Variants in ARMCX4 observed in about 807,000 individuals in gnomAD.
ARMCX4 encodes the protein armadillo repeat containing X-linked 4, also known as armadillo repeat-containing X-linked protein 4.
ARMCX4 carries 3 observed loss-of-function variants against 34.7 expected under a neutral mutation model. That is an observed-to-expected ratio of 0.09 (90% CI 0.04 to 0.22). The LOEUF is 0.22. Among genes scored for constraint, ARMCX4 ranks in the 10% least tolerant of loss-of-function variants. ARMCX4 has a pLI of 1.00. For missense variants in ARMCX4, 1,448 were observed against 1,720.8 expected (o/e 0.84, Z 2.81); for synonymous variants, 513 against 632.8 (o/e 0.81, Z 2.84).
In ARMCX4 at chrX:101,491,566, G is replaced by C. The variant is rs1556009190; in HGVS notation, c.2977G>C (p.Val993Leu). Residue 993 changes from valine to leucine, a missense_variant, in exon 6 of 6, where the codon GTC becomes CTC. By Grantham distance (32) the Val-to-Leu change is conservative. Around this residue, in one of 2 missense-constraint regions of ARMCX4, gnomAD observed 1,343 missense variants for 1,540.7 expected, o/e 0.87. Coordinates refer to ENST00000423738, the MANE Select transcript of ARMCX4 (RefSeq NM_001256155.3). ...DTVGSAQPQAVANSQSETLLG... is the reference protein window; with the variant it reads ...DTVGSAQPQALANSQSETLLG... ...AGTGGGCTCTGCCCAGCCCCAAGCT[G>C]TCGCTAATTCCCAGAGTGAGACCTT... 8.7e-7 allele frequency: 1 copy of C among 1,155,849 alleles called. No homozygotes were observed. The highest frequency in any genetic ancestry group is 1.9e-5 in the South Asian group (1 of 52,751).
At position 101,485,494 on chromosome X, in the gene ARMCX4, C is replaced by G; in HGVS notation, c.-473C>G. 1.4e-6 allele frequency: 1 copy of G among 699,700 alleles called. No homozygotes were observed. Among genetic ancestry groups the G allele is most frequent in the Middle Eastern group, 8.3e-4 (1 of 1,202 alleles). The allele number at this position is 699,700 out of a possible 1,213,427, so 57.7% of individuals were successfully genotyped here. On this transcript the variant is annotated 5_prime_UTR_variant, in exon 1 of 6. Transcript: ENST00000423738. ...TACCAGCTCCCCGCTGCCCTGCGCT[C>G]GGCGGGCTGGCATCGGGCCCGGGGA... is the stretch of plus-strand genomic sequence containing the variant.
At chrX:101,505,095 T>G (rs1432224115) in exon 8 of ARMCX4, 4 of 111,339 alleles carry the variant, frequency 3.6e-5, no homozygotes, top group African/African-American at 1.3e-4. Context: ...GGTGGTACCC[T>G]TAAGAGGCAT....
chrX:101,439,970 C>T (rs1307740377), intron 2 of ARMCX4, among the ~76,000 whole-genome samples: 5 of 111,968 alleles, frequency 4.5e-5, no homozygotes, highest in African/African-American at 1.6e-4. Flanking sequence ...GCCTTCTCCT[C>T]TCAACTCGTC....
At chrX:101,429,050 G>A (rs1352831097) in intron 2 of ARMCX4, among the ~76,000 whole-genome samples, 2 of 108,672 alleles carry the variant, frequency 1.8e-5, no homozygotes, top group African/African-American at 6.7e-5. Flanking sequence ...TGTAGAGATG[G>A]GGTCTCCCTA....
intron 2 of ARMCX4, among the ~76,000 whole-genome samples, chrX:101,440,466 C>T (rs919554628): frequency 1.8e-5 from 2 of 112,070 alleles, no homozygotes; most frequent in Non-Finnish European, 3.8e-5. Flanking sequence ...TCTCAGATCT[C>T]CAGCTGCGTG....
rs957793694 is a variant in ARMCX4 at position 101,488,567 on chromosome X, G to A, written c.-23G>A. The stretch of plus-strand genomic sequence containing the variant: ...GAGTGCGCTCTACCATACCTTGTTC[G>A]TGCTTTTAGCAGGGGTGATTACATG... On this transcript the variant is annotated 5_prime_UTR_variant, in exon 6 of 6. In the 5' UTR this introduces an upstream ATG that the reference lacks. Transcript: ENST00000423738. The A allele has an allele frequency of 1.1e-5, 13 of 1,154,114 alleles. No homozygotes were observed. The highest frequency in any genetic ancestry group is 9.5e-5 in the South Asian group (5 of 52,561).
chrX:101,437,430 C>G (rs1376630566), intron 2 of ARMCX4, among the ~76,000 whole-genome samples: 1 of 111,877 alleles, frequency 8.9e-6, no homozygotes, highest in Non-Finnish European at 1.9e-5. Flanking sequence ...AGTTTATTTG[C>G]GTAGAGGTGT....
intron 4 of ARMCX4, among the ~76,000 whole-genome samples, chrX:101,458,864 C>G (rs1326213099): frequency 9.0e-6 from 1 of 111,481 alleles, no homozygotes; most frequent in Non-Finnish European, 1.9e-5. Flanking sequence ...TGATACTTAT[C>G]TAAATAAAAT....
chrX:101,437,792 A>G lies in ARMCX4; in HGVS notation n.165-6260A>G, dbSNP rs181535928. Among the ~76,000 whole-genome samples the G allele has an allele frequency of 1.9e-3, 214 of 111,788 alleles. 1 individual carries two copies. Among genetic ancestry groups the G allele is most frequent in the African/African-American group, 6.6e-3 (204 of 30,738 alleles). Reference sequence around the variant, plus strand: ...TCTCTTGTGGGAATTTCGTGCTATAAATTTCCCTCTACACACTGCTTTAAA... The same window carrying G: ...TCTCTTGTGGGAATTTCGTGCTATAGATTTCCCTCTACACACTGCTTTAAA... On this transcript the variant is annotated intron_variant and non_coding_transcript_variant, in intron 2 of 3. Transcript: ENST00000430461.
At chrX:101,458,409 G>A (rs1438346341) in intron 4 of ARMCX4, among the ~76,000 whole-genome samples, 5 of 110,484 alleles carry the variant, frequency 4.5e-5, no homozygotes, top group Admixed American at 2.9e-4. Flanking sequence ...TTACCATTTC[G>A]TTATGCTTCA....
At chrX:101,535,385 A>G (rs1304438390), downstream of ARMCX4, among the ~76,000 whole-genome samples, 1 of 111,749 alleles carries the variant, frequency 8.9e-6, no homozygotes, top group Non-Finnish European at 1.9e-5. Flanking sequence ...AAATCTGAGA[A>G]CTAATGCCCT....
At chrX:101,440,849 C>T (rs1203379348) in intron 2 of ARMCX4, among the ~76,000 whole-genome samples, 1 of 111,115 alleles carries the variant, frequency 9.0e-6, no homozygotes, top group Non-Finnish European at 1.9e-5. Flanking sequence ...TGGGAGTGAC[C>T]CGATTTTCCA....
At chrX:101,498,147 G>A (rs782669516), downstream of ARMCX4, 7 of 330,496 alleles carry the variant, frequency 2.1e-5, no homozygotes, top group Non-Finnish European at 3.5e-5. Context: ...TTCCACAGGT[G>A]TTGATCCCAA....
rs1569312782 is a variant in ARMCX4 at position 101,428,686 on chromosome X, T to C, written n.164+9686T>C. ...TGGCACATCAGGCACTCATGCTGACTCTACACTTAACCCTGCCAATTAAAT... is the reference window on the plus strand; with the variant it reads ...TGGCACATCAGGCACTCATGCTGACCCTACACTTAACCCTGCCAATTAAAT... On this transcript the variant is annotated intron_variant and non_coding_transcript_variant, in intron 2 of 3. Coordinates refer to the ARMCX4 transcript ENST00000430461. Among the ~76,000 whole-genome samples, 6 of 111,433 alleles carry C rather than the reference T, an allele frequency of 5.4e-5. No individual in the cohort carries two copies. The South Asian group carries it at 2.2e-3, about 42-fold the overall frequency.
intron 11 of ARMCX4, among the ~76,000 whole-genome samples, chrX:101,521,521 G>A (rs1427004306): frequency 1.8e-5 from 2 of 109,697 alleles, no homozygotes; most frequent in Non-Finnish European, 3.8e-5. Context: ...TGGTTCTATT[G>A]GTTTTCTCTA....
intron 2 of ARMCX4, among the ~76,000 whole-genome samples, chrX:101,432,985 C>CATGTAT (rs1555992789): frequency 9.4e-6 from 1 of 106,239 alleles, no homozygotes; most frequent in Non-Finnish European, 2.0e-5. Flanking sequence ...TATATATACA[C>CATGTAT]ACATGTATAC....
intron 4 of ARMCX4, among the ~76,000 whole-genome samples, chrX:101,455,640 A>G (rs927139707): frequency 6.3e-5 from 7 of 111,970 alleles, no homozygotes; most frequent in Non-Finnish European, 1.1e-4. Context: ...TTGTGTATAA[A>G]AAGAAGATAT....
At chrX:101,457,541 T>G (rs1294531806) in intron 4 of ARMCX4, among the ~76,000 whole-genome samples, 1 of 110,577 alleles carries the variant, frequency 9.0e-6, no homozygotes, top group Non-Finnish European at 1.9e-5. Flanking sequence ...CTGGCCAACA[T>G]GGAGAAACCC....
intron 7 of ARMCX4, among the ~76,000 whole-genome samples, chrX:101,501,156 C>A (rs1934290170): frequency 8.9e-6 from 1 of 112,559 alleles, no homozygotes; most frequent in South Asian, 3.6e-4. Flanking sequence ...ACATTTCACA[C>A]CTGGAATTAC....
Sources: gnomAD v4.1 joint callset for allele counts (sites outside exome capture counted in the v4.1 genomes callset) on GRCh38, gnomAD v4.1.1 for gene constraint, gnomAD v4.1.1 regional missense constraint, MANE v1.5 for transcripts, NCBI Gene and HGNC (gene_info 2026-07-23, HGNC 2026-07-21) for gene names.